Variants in TEX11 observed in about 807,000 individuals in gnomAD.
The protein encoded by TEX11 is testis-expressed protein 11.
A neutral mutation model predicts 84.4 loss-of-function variants in TEX11; 7 were observed. That is an observed-to-expected ratio of 0.08 (90% CI 0.05 to 0.16). The LOEUF is 0.16. Among genes scored for constraint, TEX11 ranks in the 10% least tolerant of loss-of-function variants. TEX11 has a pLI of 1.00. For missense variants in TEX11, 551 were observed against 660.5 expected (o/e 0.83, Z 1.82); for synonymous variants, 264 against 222.8 (o/e 1.18, Z -1.64).
At chrX:70,515,295 G>T in the TEX11 span, among the ~76,000 whole-genome samples, 464 of 50,128 alleles carry the variant, frequency 9.3e-3, 2 homozygotes, top group African/African-American at 0.033. Flanking sequence ...AACAGGCCCC[G>T]GTGTGTGATG....
chrX:70,816,293 T>G (rs1256693905), intron 8 of TEX11, among the ~76,000 whole-genome samples: 1 of 112,248 alleles, frequency 8.9e-6, no homozygotes, highest in East Asian at 2.8e-4. Context: ...TTTATGTACT[T>G]TCTCTTCCTA....
chrX:70,603,184 C>T (rs1363948049), intron 24 of TEX11, among the ~76,000 whole-genome samples: 8 of 90,271 alleles, frequency 8.9e-5, no homozygotes, highest in East Asian at 6.8e-4. Flanking sequence ...ACTTTCTTCA[C>T]AGAATTGGAA....
intron 15 of TEX11, among the ~76,000 whole-genome samples, chrX:70,671,910 T>TATATATACAC (rs57166359): frequency 0.015 from 998 of 67,756 alleles, 44 homozygotes; most frequent in African/African-American, 0.048. Flanking sequence ...TATATATATA[T>TATATATACAC]ACACACACAC....
rs143919187 is a variant in TEX11, at chrX:70,614,945, C to T, written c.1752-4402G>A. On this transcript the variant is annotated intron_variant, in intron 20 of 29. Coordinates refer to ENST00000374333, the MANE Select transcript of TEX11 (RefSeq NM_031276.3). ...TCTTCCGGACCTTATTCAAGACCAC[C>T]AAGGTAGTACCTCTATGAGTCTCCA... 2.6e-3 allele frequency among the ~76,000 whole-genome samples: 284 copies of T among 111,073 alleles called. 3 individuals are homozygous for T. The highest frequency in any genetic ancestry group is 8.7e-3 in the African/African-American group (265 of 30,559).
chrX:70,603,691 A>T (rs1378575415), intron 24 of TEX11, among the ~76,000 whole-genome samples: 2 of 111,567 alleles, frequency 1.8e-5, no homozygotes, highest in African/African-American at 3.3e-5. Flanking sequence ...CCAAAGCCAA[A>T]ATTGACAAAT....
At chrX:70,576,467 T>A (rs1287137066) in intron 25 of TEX11, among the ~76,000 whole-genome samples, 2 of 112,492 alleles carry the variant, frequency 1.8e-5, no homozygotes, top group African/African-American at 6.4e-5. Context: ...TAAAGTACTA[T>A]GTATTCATTG....
chrX:70,747,424 G>A (rs929906372), intron 9 of TEX11, among the ~76,000 whole-genome samples: 5 of 112,148 alleles, frequency 4.5e-5, no homozygotes, highest in Non-Finnish European at 5.6e-5. Flanking sequence ...ACAAATAAAT[G>A]ACTAAACAAA....
intron 25 of TEX11, among the ~76,000 whole-genome samples, chrX:70,585,313 G>C (rs898093674): frequency 2.2e-4 from 25 of 112,317 alleles, no homozygotes; most frequent in Admixed American, 1.0e-3. Flanking sequence ...GAAGGTGGAA[G>C]ATCTGTACAA....
At chrX:70,751,727 G>A (rs1395727700) in intron 9 of TEX11, among the ~76,000 whole-genome samples, 1 of 111,685 alleles carries the variant, frequency 9.0e-6, no homozygotes, top group African/African-American at 3.2e-5. Flanking sequence ...ACATTCCCAG[G>A]TAAGCAAAAA....
At chrX:70,831,918 G>C (rs2091379043) in intron 8 of TEX11, among the ~76,000 whole-genome samples, 1 of 110,631 alleles carries the variant, frequency 9.0e-6, no homozygotes, top group Non-Finnish European at 1.9e-5. Flanking sequence ...AATAAAGCTA[G>C]AAAAATGGAG....
At chrX:70,876,075 T>C (rs1457848254) in intron 3 of TEX11, among the ~76,000 whole-genome samples, 1 of 112,517 alleles carries the variant, frequency 8.9e-6, no homozygotes, top group African/African-American at 3.2e-5. Flanking sequence ...GTAAAATGTT[T>C]ACAACTGTAG....
chrX:70,717,380 G>A (rs4844254), intron 13 of TEX11, among the ~76,000 whole-genome samples: 3,378 of 106,951 alleles, frequency 0.032, 76 homozygotes, highest in Admixed American at 0.11. Flanking sequence ...GTGCAATGGC[G>A]CGATCTTGGC....
intron 2 of TEX11, among the ~76,000 whole-genome samples, chrX:70,896,278 T>C (rs996066166): frequency 8.9e-6 from 1 of 112,483 alleles, no homozygotes; most frequent in Admixed American, 9.5e-5. Context: ...AAGTTAATCA[T>C]CACTGGTCAT....
intron 24 of TEX11, among the ~76,000 whole-genome samples, chrX:70,598,493 G>A (rs368650118): frequency 9.0e-6 from 1 of 111,708 alleles, no homozygotes; most frequent in Admixed American, 9.5e-5. Flanking sequence ...GTATGACCCA[G>A]CAATACCAAT....
At chrX:70,661,051 G>A (rs2089920138) in intron 16 of TEX11, among the ~76,000 whole-genome samples, 2 of 112,306 alleles carry the variant, frequency 1.8e-5, no homozygotes, top group Admixed American at 9.4e-5. Flanking sequence ...GCAGCACACC[G>A]AGCGTGAGCT....
chrX:70,531,244 C>A (rs1459663587), intron 28 of TEX11, among the ~76,000 whole-genome samples: 2 of 111,543 alleles, frequency 1.8e-5, no homozygotes, highest in Non-Finnish European at 3.8e-5. Context: ...CAGATGTTTG[C>A]TGAATGAATG....
intron 18 of TEX11, among the ~76,000 whole-genome samples, chrX:70,629,188 G>A (rs777439950): frequency 9.0e-6 from 1 of 111,213 alleles, no homozygotes; most frequent in East Asian, 2.8e-4. Context: ...AACAAACAGG[G>A]GTACAATTAT....
intron 20 of TEX11, among the ~76,000 whole-genome samples, chrX:70,615,327 A>C (rs939156374): frequency 1.1e-4 from 12 of 111,635 alleles, no homozygotes; most frequent in Non-Finnish European, 2.1e-4. Flanking sequence ...TCTATCACAT[A>C]AATTTAACAA....
intron 20 of TEX11, among the ~76,000 whole-genome samples, chrX:70,615,488 A>G (rs768717003): frequency 4.0e-4 from 45 of 111,936 alleles, no homozygotes; most frequent in African/African-American, 1.2e-3. Context: ...ACACGGTGAG[A>G]GGAAAAAAGA....
Sources: gnomAD v4.1 joint callset for allele counts (sites outside exome capture counted in the v4.1 genomes callset) on GRCh38, gnomAD v4.1.1 for gene constraint, MANE v1.5 for transcripts, NCBI Gene and HGNC (gene_info 2026-07-23, HGNC 2026-07-21) for gene names.